The following BBS5 variants were observed in gnomAD, a reference collection of about 807,000 sequenced individuals.
BBS5 encodes the protein BBSome complex member BBS5.
A neutral mutation model predicts 50.2 loss-of-function variants in BBS5; 39 were observed. The ratio of observed to expected loss-of-function variants is 0.78; its 90% CI spans 0.60 to 1.01. The LOEUF (loss-of-function observed/expected upper bound fraction) is 1.01. BBS5 is among the 50% of genes least tolerant of loss of function. The pLI is 0.00. For synonymous variants in BBS5, 134 were observed against 133.1 expected (o/e 1.01, Z -0.05); for missense variants, 356 against 401.5 (o/e 0.89, Z 0.97).
intron 7 of BBS5, among the ~76,000 whole-genome samples, chr2:169,495,871 T>G (rs1435121799): frequency 1.3e-5 from 2 of 152,206 alleles, no homozygotes; most frequent in Non-Finnish European, 2.9e-5. Context: ...TTTCCCAGGC[T>G]GGTCTCAAAT....
chr2:169,482,064 C>T (rs545410342), intron 1 of BBS5, among the ~76,000 whole-genome samples, 187 bp from the exon 2 acceptor site: 19 of 90,988 alleles, frequency 2.1e-4, no homozygotes, highest in South Asian at 1.9e-3. Flanking sequence ...GCCCTGGTCA[C>T]TCCAGGCCCC....
intron 2 of BBS5, among the ~76,000 whole-genome samples, chr2:169,483,308 T>C (rs1482699782): frequency 2.0e-5 from 3 of 152,152 alleles, no homozygotes; most frequent in Non-Finnish European, 4.4e-5. Context: ...AGAGACCTTA[T>C]TTTTAAATGC....
intron 6 of BBS5, among the ~76,000 whole-genome samples, chr2:169,493,344 A>C (rs1306875127): frequency 1.3e-5 from 2 of 151,678 alleles, no homozygotes; most frequent in Admixed American, 6.6e-5. Flanking sequence ...GGATTATTAC[A>C]TATGTTTTGT....
intron 8 of BBS5, among the ~76,000 whole-genome samples, chr2:169,498,588 C>A (rs186256843): frequency 6.6e-6 from 1 of 151,900 alleles, no homozygotes; most frequent in Non-Finnish European, 1.5e-5. Flanking sequence ...GAGGTCGAGG[C>A]GGGCAGAGCA....
At chr2:169,485,837 T>C (rs923519136) in intron 2 of BBS5, among the ~76,000 whole-genome samples, 1 of 152,206 alleles carries the variant, frequency 6.6e-6, no homozygotes, top group African/African-American at 2.4e-5. Context: ...ATTGCCCTGG[T>C]TCCTTCCCAG....
chr2:169,504,837 G>A lies in BBS5; in HGVS notation c.*255G>A, dbSNP rs1683874012. ...CTGGCTTAAGCCATGGCTGAGGGTA[G>A]CTGGATTCCTCAGGCCCGGGCGCTC... On this transcript the variant is annotated 3_prime_UTR_variant, in exon 12 of 12. Transcript: ENST00000295240. 1 of 1,604,780 alleles carries A rather than the reference G, an allele frequency of 6.2e-7. No homozygotes were observed. The highest frequency in any genetic ancestry group is 2.2e-5 in the East Asian group (1 of 44,506).
intron 2 of BBS5, among the ~76,000 whole-genome samples, chr2:169,483,304 C>T (rs1253024864): frequency 2.0e-5 from 3 of 152,012 alleles, no homozygotes; most frequent in Non-Finnish European, 1.5e-5. Flanking sequence ...CCTCAGAGAC[C>T]TTATTTTTAA....
intron 6 of BBS5, chr2:169,493,219 T>G (rs1683634697): frequency 1.7e-6 from 1 of 594,018 alleles, no homozygotes; most frequent in East Asian, 3.3e-5. Context: ...GAATGTCTCC[T>G]TAATTAATGA....
At chr2:169,483,027 A>C (rs1350078883) in intron 2 of BBS5, among the ~76,000 whole-genome samples, 4 of 152,192 alleles carry the variant, frequency 2.6e-5, no homozygotes, top group Non-Finnish European at 5.9e-5. Flanking sequence ...ATGTATCCAG[A>C]ATATGTTTTA....
Position 169,479,542 on chromosome 2 carries a change from G to A in BBS5, c.-12G>A, listed in dbSNP as rs764119398. On this transcript the variant is annotated 5_prime_UTR_variant, in exon 1 of 12. Coordinates refer to ENST00000295240, the MANE Select transcript of BBS5 (RefSeq NM_152384.3). ...CGGCTGTGGAGAGATCCTGCCACGGGCCTTGTTCACCATGTCGGTGCTGGA... is the reference window on the plus strand; with the variant it reads ...CGGCTGTGGAGAGATCCTGCCACGGACCTTGTTCACCATGTCGGTGCTGGA... The A allele has an allele frequency of 3.4e-5, 55 of 1,614,046 alleles. No individual in the cohort carries two copies. The East Asian group carries it at 4.5e-4, about 13-fold the overall frequency.
At chr2:169,498,295 G>C (rs1245183549) in intron 8 of BBS5, among the ~76,000 whole-genome samples, 1 of 151,942 alleles carries the variant, frequency 6.6e-6, no homozygotes, top group Non-Finnish European at 1.5e-5. Context: ...AGGTTTCACT[G>C]GCTAAGAAAA....
chr2:169,496,863 C>T (rs547225817), intron 7 of BBS5, among the ~76,000 whole-genome samples: 8 of 150,554 alleles, frequency 5.3e-5, no homozygotes, highest in South Asian at 4.2e-4. Context: ...AGCGAGACTC[C>T]GTCTCAAAAA....
chr2:169,485,072 C>G (rs919618666), intron 2 of BBS5, among the ~76,000 whole-genome samples: 17 of 152,152 alleles, frequency 1.1e-4, no homozygotes, highest in Non-Finnish European at 2.4e-4. Flanking sequence ...TATGGCAAAC[C>G]CTTCCCACTC....
At chr2:169,502,049 C>A (rs1055640756) in intron 9 of BBS5, among the ~76,000 whole-genome samples, 1 of 152,094 alleles carries the variant, frequency 6.6e-6, no homozygotes, top group African/African-American at 2.4e-5. Context: ...CTTTCTCTCT[C>A]CTTCCTCCCT....
At position 169,487,874 on chromosome 2, in the gene BBS5, A is replaced by G. The variant is rs1256537784; in HGVS notation, c.258+19A>G. ...TAACTCTGTAAGTCTAAAAAATCTT[A>G]TTGCAATATATATATAGTAAAGAAA... On this transcript the variant is annotated intron_variant, in intron 4 of 11. Coordinates refer to ENST00000295240, the MANE Select transcript of BBS5 (RefSeq NM_152384.3). The G allele has an allele frequency of 3.2e-6, 5 of 1,583,620 alleles. No individual in the cohort carries two copies. Among genetic ancestry groups the G allele is most frequent in the South Asian group, 1.1e-5 (1 of 90,092 alleles).
intron 8 of BBS5, among the ~76,000 whole-genome samples, chr2:169,498,632 T>C (rs565521363): frequency 2.9e-4 from 44 of 151,912 alleles, no homozygotes; most frequent in South Asian, 1.3e-3. Context: ...GGTGAAACCC[T>C]GTCTCTACTA....
intron 8 of BBS5, chr2:169,498,931 T>G (rs930857205): frequency 1.3e-5 from 2 of 155,270 alleles, no homozygotes; most frequent in Non-Finnish European, 2.8e-5. Flanking sequence ...GAACATATAC[T>G]CTCACCTATT....
chr2:169,479,681 G>A (rs1486380356), intron 1 of BBS5, 69 bp downstream of exon 1: 11 of 1,557,706 alleles, frequency 7.1e-6, no homozygotes, highest in Admixed American at 1.7e-5. Flanking sequence ...TTAGGGACCC[G>A]CGGGCGGAGA....
At position 169,499,469 on chromosome 2, in the gene BBS5, T is replaced by A; in HGVS notation, c.682-17T>A. ...TCAGACTTGTTGGGTTTTTTTTTATTATTTTTTCTCTTGTAGAGTGGTGGA... is the reference window on the plus strand; with the variant it reads ...TCAGACTTGTTGGGTTTTTTTTTATAATTTTTTCTCTTGTAGAGTGGTGGA... On this transcript the variant is annotated splice_polypyrimidine_tract_variant and intron_variant, in intron 8 of 11. Coordinates refer to ENST00000295240, the MANE Select transcript of BBS5 (RefSeq NM_152384.3). The A allele has an allele frequency of 6.2e-6, 10 of 1,609,572 alleles. No homozygotes were observed. Among genetic ancestry groups the A allele is most frequent in the Non-Finnish European group, 8.5e-6 (10 of 1,177,578 alleles).
Sources: allele counts gnomAD v4.1 joint callset (sites outside exome capture counted in the v4.1 genomes callset), GRCh38; gene constraint gnomAD v4.1.1; transcripts MANE v1.5; gene names NCBI Gene and HGNC (gene_info 2026-07-23, HGNC 2026-07-21).